The following MBTPS1 variants were observed in gnomAD, a reference collection of about 807,000 sequenced individuals.
MBTPS1 encodes membrane bound transcription factor peptidase, site 1, also known as membrane-bound transcription factor site-1 protease.
MBTPS1 carries 94 observed loss-of-function variants against 127.8 expected under a neutral mutation model. That is an observed-to-expected ratio of 0.74 (90% CI 0.62 to 0.87). The LOEUF (loss-of-function observed/expected upper bound fraction) is 0.87, where lower values mean the gene tolerates loss of function less well. Among genes scored for constraint, MBTPS1 ranks in the 40% least tolerant of loss-of-function variants. MBTPS1 has a pLI of 0.00. For missense variants in MBTPS1, 1,636 were observed against 1,353.2 expected (o/e 1.21, Z -3.28); for synonymous variants, 632 against 509.4 (o/e 1.24, Z -3.24).
chr16:84,107,169 A>G (rs559354884), intron 1 of MBTPS1, among the ~76,000 whole-genome samples: 3 of 152,342 alleles, frequency 2.0e-5, no homozygotes, highest in African/African-American at 7.2e-5. Context: ...TCAGTGGGAA[A>G]TAATTTGCAA....
intron 2 of MBTPS1, 23 bp from the exon 3 acceptor site, chr16:84,099,333 A>G: frequency 1.2e-6 from 2 of 1,609,106 alleles, no homozygotes; most frequent in Non-Finnish European, 1.7e-6. Context: ...ACCACAAACA[A>G]AAATAAGATT....
chr16:84,091,626 T>C (rs2086108255), intron 7 of MBTPS1, 106 bp downstream of exon 7: 1 of 758,012 alleles, frequency 1.3e-6, no homozygotes, highest in African/African-American at 1.7e-5. Flanking sequence ...CACAAAGCTG[T>C]CACCACCTGG....
chr16:84,070,845 A>G, intron 12 of MBTPS1, 69 bp from the exon 13 acceptor site: 1 of 1,266,480 alleles, frequency 7.9e-7, no homozygotes, highest in Non-Finnish European at 1.1e-6. Context: ...GGAAACCAGA[A>G]AAACTCAATT....
chr16:84,080,548 C>A (rs1369088406), intron 11 of MBTPS1, among the ~76,000 whole-genome samples: 1 of 152,246 alleles, frequency 6.6e-6, no homozygotes, highest in Non-Finnish European at 1.5e-5. Context: ...CTGGCTGACA[C>A]CCGCAGCTGC....
At chr16:84,055,102 T>C (rs2151137429) in intron 22 of MBTPS1, among the ~76,000 whole-genome samples, 1 of 152,290 alleles carries the variant, frequency 6.6e-6, no homozygotes, top group East Asian at 1.9e-4. Context: ...GTGCCCCGCC[T>C]CTGGGAAAGC....
At chr16:84,092,134 C>T (rs2086118550) in intron 6 of MBTPS1, among the ~76,000 whole-genome samples, 1 of 152,116 alleles carries the variant, frequency 6.6e-6, no homozygotes, top group African/African-American at 2.4e-5. Flanking sequence ...GAATGCCTTC[C>T]TAGATAACAC....
chr16:84,090,392 G>A (rs918571498), intron 8 of MBTPS1, among the ~76,000 whole-genome samples: 32 of 152,096 alleles, frequency 2.1e-4, no homozygotes, highest in Non-Finnish European at 4.6e-4. Context: ...CCAAAGCACC[G>A]GCCATGTTGC....
intron 1 of MBTPS1, among the ~76,000 whole-genome samples, chr16:84,107,279 G>A (rs954860954): frequency 6.6e-5 from 10 of 152,196 alleles, no homozygotes; most frequent in African/African-American, 2.4e-4. Flanking sequence ...CTGGCCGCCA[G>A]ACTGTACCTT....
At position 84,074,681 on chromosome 16, in the gene MBTPS1, C is replaced by T; in HGVS notation, c.1509G>A (p.Gln503=). 1 of 1,614,114 alleles carries T rather than the reference C, an allele frequency of 6.2e-7. No individual in the cohort carries two copies. Among genetic ancestry groups the T allele is most frequent in the Non-Finnish European group, 8.5e-7 (1 of 1,179,992 alleles). ...ECPYMWPYCS[Q]PIYYGGMPTV... is the part of the protein sequence containing the mutation. ...TCGGCATTCCTCCATAGTAGATGGG[C>T]TGGGAGCAGTAGGGCCACATGTAGG... The change falls in exon 12 of 23, where the codon CAG becomes CAA. Residue 503 remains glutamine, a synonymous_variant. Transcript: ENST00000343411.
At position 84,082,901 on chromosome 16, in the gene MBTPS1, G is replaced by A. The variant is rs538859731; in HGVS notation, c.1287-993C>T. On this transcript the variant is annotated intron_variant, in intron 10 of 22. Transcript: ENST00000343411. ...CATCAGGCTGGAGCTCGGGAGGCCC[G>A]CCACTGCTGCTCGGCTTCCATTATG... is the stretch of plus-strand genomic sequence containing the variant. Among the ~76,000 whole-genome samples the A allele has an allele frequency of 7.9e-5, 12 of 152,310 alleles. No individual in the cohort carries two copies. The South Asian group carries it at 2.5e-3, about 32-fold the overall frequency.
At position 84,116,474 on chromosome 16, in the gene MBTPS1, C is replaced by CAAA. The variant is rs2086480772; in HGVS notation, c.-325+260_-325+261insTTT. Reference sequence around the variant, plus strand: ...CGGGCCAGAGCAGGGCGTATTGTTTCACTCGGTGAATGCTCATTTCACGTA... The same window carrying CAAA: ...CGGGCCAGAGCAGGGCGTATTGTTTCAAAACTCGGTGAATGCTCATTTCACGTA... On this transcript the variant is annotated intron_variant, in intron 1 of 22. Coordinates refer to ENST00000343411, the MANE Select transcript of MBTPS1 (RefSeq NM_003791.4). Among the ~76,000 whole-genome samples, 36 of 152,378 alleles carry CAAA rather than the reference C, an allele frequency of 2.4e-4. No individual in the cohort carries two copies. In the South Asian group the frequency reaches 7.0e-3, roughly 30 times the overall value.
chr16:84,109,553 T>C (rs1413274141), intron 1 of MBTPS1: 1 of 152,188 alleles, frequency 6.6e-6, no homozygotes, highest in Non-Finnish European at 1.5e-5. Flanking sequence ...CCGGCATCAC[T>C]TCTGGGAGGT....
chr16:84,089,505 A>G (rs931009832), intron 8 of MBTPS1, among the ~76,000 whole-genome samples: 2 of 152,240 alleles, frequency 1.3e-5, no homozygotes, highest in Non-Finnish European at 2.9e-5. Context: ...AACTGCTACA[A>G]TATATGTTTG....
intron 12 of MBTPS1, chr16:84,072,097 G>C (rs1464175086): frequency 2.0e-5 from 3 of 152,228 alleles, no homozygotes; most frequent in Non-Finnish European, 4.4e-5. Context: ...ACGGAGAAAC[G>C]CCATGTGGCC....
chr16:84,096,295 CAATATTCTT>C (rs2086179268), intron 3 of MBTPS1, among the ~76,000 whole-genome samples: 1 of 152,136 alleles, frequency 6.6e-6, no homozygotes, highest in South Asian at 2.1e-4. Context: ...TCAATATTCT[CAATATTCTT>C]ATCTGCTAGA....
intron 21 of MBTPS1, chr16:84,056,405 A>G: frequency 3.0e-6 from 1 of 338,388 alleles, no homozygotes. Context: ...TTTTGCATAA[A>G]GCTAAACATG....
intron 3 of MBTPS1, among the ~76,000 whole-genome samples, chr16:84,098,423 C>A (rs532842311): frequency 6.6e-6 from 1 of 152,212 alleles, no homozygotes; most frequent in African/African-American, 2.4e-5. Context: ...CCAGCCTGAC[C>A]AATATGGAGA....
intron 2 of MBTPS1, among the ~76,000 whole-genome samples, chr16:84,099,784 A>C (rs1000527932): frequency 1.3e-5 from 2 of 152,140 alleles, no homozygotes; most frequent in African/African-American, 4.8e-5. Flanking sequence ...TCAAAAAAAA[A>C]AAAAAAAAGA....
Position 84,085,653 on chromosome 16 carries a change from T to C in MBTPS1, c.1135-519A>G, listed in dbSNP as rs1053190119. 2.8e-5 allele frequency among the ~76,000 whole-genome samples: 4 copies of C among 145,024 alleles called. No individual in the cohort carries two copies. The East Asian group carries it at 6.1e-4, about 22-fold the overall frequency. ...TAAGCTTAAACGATAATGTAGAAAG[T>C]AAATTTTTAAAAATATATTTTATAA... On this transcript the variant is annotated intron_variant, in intron 9 of 22. Coordinates refer to ENST00000343411, the MANE Select transcript of MBTPS1 (RefSeq NM_003791.4).
Sources: gnomAD v4.1 joint callset for allele counts (sites outside exome capture counted in the v4.1 genomes callset) on GRCh38, gnomAD v4.1.1 for gene constraint, MANE v1.5 for transcripts, NCBI Gene and HGNC (gene_info 2026-07-23, HGNC 2026-07-21) for gene names.